Variants in ASTN2 observed in about 807,000 individuals in gnomAD.
ASTN2 encodes astrotactin-2.
A neutral mutation model predicts 139.8 loss-of-function variants in ASTN2; 54 were observed. The observed-to-expected ratio is 0.39, with a 90% CI of 0.31 to 0.48. The LOEUF is 0.48. Ranked by LOEUF, ASTN2 falls within the 20% of genes least tolerant of loss-of-function variation. ASTN2 has a pLI of 0.95. For missense variants in ASTN2, 1,565 were observed against 1,725.1 expected, an observed-to-expected ratio of 0.91 and a Z score of 1.64; for synonymous variants, 756 against 719.5, an observed-to-expected ratio of 1.05 and a Z score of -0.81.
Position 117,002,443 on chromosome 9 carries a change from G to C in ASTN2, c.1591+5649C>G, listed in dbSNP as rs73655574. Among the ~76,000 whole-genome samples the C allele has an allele frequency of 2.4e-3, 369 of 152,262 alleles. 3 individuals carry two copies. The highest frequency in any genetic ancestry group is 7.9e-3 in the African/African-American group (330 of 41,556). On this transcript the variant is annotated intron_variant, in intron 7 of 22. Transcript: ENST00000313400. ...ATGTTTGGGGAATAATTGTGAGTAT[G>C]AGCAGAGTAAGCAATGGAAAGAGGG... is the stretch of plus-strand genomic sequence containing the variant.
chr9:116,793,630 C>T (rs1830612811), intron 13 of ASTN2, among the ~76,000 whole-genome samples: 1 of 152,086 alleles, frequency 6.6e-6, no homozygotes, highest in Non-Finnish European at 1.5e-5. Flanking sequence ...ACTTAACGGT[C>T]CTTTGGGAAA....
At chr9:116,742,085 G>A (rs532776530) in intron 13 of ASTN2, among the ~76,000 whole-genome samples, 3 of 152,344 alleles carry the variant, frequency 2.0e-5, no homozygotes, top group East Asian at 3.9e-4. Context: ...TTCTATGTAT[G>A]TGTGCACATG....
chr9:116,579,306 G>A (rs1018754848), intron 19 of ASTN2, among the ~76,000 whole-genome samples: 1 of 152,180 alleles, frequency 6.6e-6, no homozygotes, highest in African/African-American at 2.4e-5. Context: ...TCAAACACTG[G>A]ATCTGTCTGT....
At chr9:116,580,573 G>C (rs1351237676) in intron 19 of ASTN2, among the ~76,000 whole-genome samples, 1 of 152,274 alleles carries the variant, frequency 6.6e-6, no homozygotes, top group East Asian at 1.9e-4. Flanking sequence ...GGTGGCAAGG[G>C]ATGGCCAGCC....
At chr9:116,632,146 G>GAGAGAGAGAC (rs1856780452) in intron 17 of ASTN2, among the ~76,000 whole-genome samples, 1 of 84,108 alleles carries the variant, frequency 1.2e-5, no homozygotes, top group Admixed American at 1.4e-4. Context: ...GAGAGAGAGA[G>GAGAGAGAGAC]AGAGAGAGAG....
intron 6 of ASTN2, among the ~76,000 whole-genome samples, chr9:117,030,075 A>C (rs2132631900): frequency 6.6e-6 from 1 of 152,312 alleles, no homozygotes; most frequent in South Asian, 2.1e-4. Flanking sequence ...TCACAAAACT[A>C]GAAAGCAGAT....
At chr9:117,035,564 T>C (rs771055690) in intron 6 of ASTN2, among the ~76,000 whole-genome samples, 15 of 152,160 alleles carry the variant, frequency 9.9e-5, no homozygotes, top group Admixed American at 3.3e-4. Context: ...TCTCTACTCC[T>C]ACAGAAGATT....
intron 16 of ASTN2, among the ~76,000 whole-genome samples, chr9:116,717,004 G>A (rs1472332704): frequency 6.6e-6 from 1 of 152,198 alleles, no homozygotes; most frequent in Non-Finnish European, 1.5e-5. Context: ...CCAACTCCGT[G>A]ATTAATCAGC....
intron 11 of ASTN2, among the ~76,000 whole-genome samples, chr9:116,852,878 T>TACACACACAC (rs3040211): frequency 0.049 from 6,561 of 134,258 alleles, 245 homozygotes; most frequent in African/African-American, 0.09. Flanking sequence ...AAGGGGAAAA[T>TACACACACAC]ACACACACAC....
chr9:117,000,388 C>T (rs1449012202), intron 7 of ASTN2, among the ~76,000 whole-genome samples: 1 of 152,198 alleles, frequency 6.6e-6, no homozygotes, highest in Non-Finnish European at 1.5e-5. Context: ...AATGAATAAA[C>T]ATATGAAAGA....
chr9:117,213,716 A>G (rs1832217350), intron 3 of ASTN2, among the ~76,000 whole-genome samples: 2 of 152,332 alleles, frequency 1.3e-5, no homozygotes, highest in South Asian at 4.1e-4. Flanking sequence ...TCAGCCCTGG[A>G]TCATTCCTGC....
At chr9:117,401,995 A>G (rs1830843898) in intron 1 of ASTN2, among the ~76,000 whole-genome samples, 2 of 152,216 alleles carry the variant, frequency 1.3e-5, no homozygotes, top group Non-Finnish European at 2.9e-5. Context: ...GGAGGCTGAT[A>G]TGGGAAAGGA....
At chr9:116,594,947 GTACA>G (rs777881306) in intron 19 of ASTN2, among the ~76,000 whole-genome samples, 80 of 152,102 alleles carry the variant, frequency 5.3e-4, no homozygotes, top group Non-Finnish European at 9.9e-4. Context: ...AAATACATAG[GTACA>G]TACATACATA....
intron 10 of ASTN2, among the ~76,000 whole-genome samples, chr9:116,911,891 T>TCAAACAAA (rs113566279): frequency 6.6e-6 from 1 of 151,874 alleles, no homozygotes; most frequent in African/African-American, 2.4e-5. Flanking sequence ...AAACTCCACC[T>TCAAACAAA]CAAACAAACA....
chr9:116,917,287 A>T (rs1834475359), intron 10 of ASTN2, among the ~76,000 whole-genome samples: 1 of 152,088 alleles, frequency 6.6e-6, no homozygotes, highest in African/African-American at 2.4e-5. Flanking sequence ...CACATAGCTC[A>T]GTTTGCAAGT....
chr9:116,887,518 C>A (rs1459864280), intron 10 of ASTN2, among the ~76,000 whole-genome samples: 1 of 151,802 alleles, frequency 6.6e-6, no homozygotes, highest in African/African-American at 2.4e-5. Flanking sequence ...TGGGGGTGGC[C>A]CTTCAAGAAC....
chr9:116,834,452 C>A (rs1588333894), intron 11 of ASTN2, among the ~76,000 whole-genome samples: 1 of 152,186 alleles, frequency 6.6e-6, no homozygotes, highest in East Asian at 1.9e-4. Flanking sequence ...TTAGATTTTA[C>A]CTCACACATT....
At chr9:117,291,285 C>A (rs756411302) in intron 2 of ASTN2, 41 bp downstream of exon 2, 49 of 1,608,010 alleles carry the variant, frequency 3.0e-5, no homozygotes, top group South Asian at 4.5e-5. Flanking sequence ...ATTCCTCCCC[C>A]ACGCAATCCC....
intron 1 of ASTN2, among the ~76,000 whole-genome samples, chr9:117,334,528 G>A (rs1284865503): frequency 6.7e-6 from 1 of 148,980 alleles, no homozygotes; most frequent in Non-Finnish European, 1.5e-5. Context: ...GATAAGCAAA[G>A]CCAGGCATAC....
Sources: allele counts gnomAD v4.1 joint callset (sites outside exome capture counted in the v4.1 genomes callset), GRCh38; gene constraint gnomAD v4.1.1; transcripts MANE v1.5; gene names NCBI Gene and HGNC (gene_info 2026-07-23, HGNC 2026-07-21).